Variants in ITGA9 observed in about 807,000 individuals in gnomAD.
ITGA9 encodes the protein integrin alpha-9.
A neutral mutation model predicts 127.8 loss-of-function variants in ITGA9; 56 were observed. The ratio of observed to expected loss-of-function variants is 0.44; its 90% CI spans 0.35 to 0.55. The LOEUF (loss-of-function observed/expected upper bound fraction) is 0.55, where lower values mean the gene tolerates loss of function less well. ITGA9 is among the 20% of genes least tolerant of loss of function. The probability of loss-of-function intolerance (pLI) is 0.00; values close to 1 mark genes in which losing one functional copy is unlikely to be tolerated. For synonymous variants in ITGA9, 508 were observed against 514.5 expected (o/e 0.99, Z 0.17); for missense variants, 1,196 against 1,347.1 (o/e 0.89, Z 1.76).
chr3:37,703,470 A>T (rs1000108444), intron 18 of ITGA9, among the ~76,000 whole-genome samples: 2 of 152,242 alleles, frequency 1.3e-5, no homozygotes, highest in Non-Finnish European at 2.9e-5. Flanking sequence ...CCTATAAAAA[A>T]GGTCAATTAT....
chr3:37,478,297 G>A (rs922787074), intron 3 of ITGA9, among the ~76,000 whole-genome samples: 3 of 152,194 alleles, frequency 2.0e-5, no homozygotes, highest in South Asian at 4.1e-4. Context: ...TGGCAGGTGC[G>A]AATGTAGGAG....
chr3:37,510,558 G>A (rs1176717107), intron 8 of ITGA9, among the ~76,000 whole-genome samples: 1 of 152,118 alleles, frequency 6.6e-6, no homozygotes, highest in Admixed American at 6.5e-5. Flanking sequence ...CTGAGAGTGG[G>A]TGGTGCAAGG....
At chr3:37,497,448 C>G (rs1301672060) in intron 5 of ITGA9, among the ~76,000 whole-genome samples, 1 of 151,908 alleles carries the variant, frequency 6.6e-6, no homozygotes, top group Non-Finnish European at 1.5e-5. Context: ...CAACACATGT[C>G]TGGGCTGAAC....
At chr3:37,713,298 T>C (rs570352653) in intron 18 of ITGA9, among the ~76,000 whole-genome samples, 4 of 152,340 alleles carry the variant, frequency 2.6e-5, no homozygotes, top group Admixed American at 6.5e-5. Flanking sequence ...CACCTTTTAG[T>C]GCTGCCTAAG....
Position 37,506,105 on chromosome 3 carries a change from G to A in ITGA9, c.828+20G>A. On this transcript the variant is annotated intron_variant, in intron 7 of 27. Transcript: ENST00000264741. Reference sequence around the variant, plus strand: ...GGCAAGGTGAGGAGAAACATCTGTGGAATAGCTGGGGTCAGACAGAAGAGG... The same window carrying A: ...GGCAAGGTGAGGAGAAACATCTGTGAAATAGCTGGGGTCAGACAGAAGAGG... 6.4e-7 allele frequency: 1 copy of A among 1,550,728 alleles called. No homozygotes were observed. The highest frequency in any genetic ancestry group is 8.9e-7 in the Non-Finnish European group (1 of 1,129,486).
chr3:37,561,077 C>A (rs1699482723), intron 15 of ITGA9, among the ~76,000 whole-genome samples: 1 of 152,154 alleles, frequency 6.6e-6, no homozygotes, highest in South Asian at 2.1e-4. Flanking sequence ...TTTAATCAAC[C>A]CCTTTAAAGG....
chr3:37,468,264 G>A (rs1432756593), intron 1 of ITGA9, among the ~76,000 whole-genome samples: 1 of 152,044 alleles, frequency 6.6e-6, no homozygotes, highest in Admixed American at 6.5e-5. Context: ...CCCCAGCAGG[G>A]CATCTTCCTC....
chr3:37,538,223 A>T (rs1699230288), intron 14 of ITGA9, among the ~76,000 whole-genome samples: 1 of 152,250 alleles, frequency 6.6e-6, no homozygotes, highest in South Asian at 2.1e-4. Flanking sequence ...AGAATTTCAC[A>T]GCTGAAATCT....
rs149699084 is a variant in ITGA9, at chr3:37,659,275, C to A, written c.1916+5485C>A. ...TGGATAATATCCTGAAGAGTGTTTT[C>A]CAACTTGGTTCCATTCTCCTCATCA... On this transcript the variant is annotated intron_variant, in intron 17 of 27. Transcript: ENST00000264741. Among the ~76,000 whole-genome samples, 92 of 152,252 alleles carry A rather than the reference C, an allele frequency of 6.0e-4. No individual in the cohort carries two copies. In the East Asian group the frequency reaches 0.012, roughly 20 times the overall value.
chr3:37,719,889 G>T (rs532026289), intron 18 of ITGA9, among the ~76,000 whole-genome samples: 1 of 152,304 alleles, frequency 6.6e-6, no homozygotes, highest in South Asian at 2.1e-4. Context: ...TTCCAGAAAA[G>T]TGTATACTCA....
chr3:37,526,629 T>C (rs1699096407), intron 13 of ITGA9, among the ~76,000 whole-genome samples: 1 of 152,206 alleles, frequency 6.6e-6, no homozygotes, highest in South Asian at 2.1e-4. Context: ...GCAGTCTGCA[T>C]CTCTCCTGCA....
In ITGA9 at chr3:37,737,078, G is replaced by T; in HGVS notation, c.2234+95G>T. Reference sequence around the variant, plus strand: ...GTTAAGCTTTGATGAATCCCAGGATGCTGAGGAGGAAGAAATGGTTACTCA... The same window carrying T: ...GTTAAGCTTTGATGAATCCCAGGATTCTGAGGAGGAAGAAATGGTTACTCA... On this transcript the variant is annotated intron_variant, in intron 20 of 27. Coordinates refer to ENST00000264741, the MANE Select transcript of ITGA9 (RefSeq NM_002207.3). The T allele has an allele frequency of 5.9e-6, 5 of 850,088 alleles. No homozygotes were observed. In the South Asian group the frequency reaches 6.9e-5, roughly 12 times the overall value. 52.7% of individuals were successfully genotyped at this position (850,088 alleles called of 1,614,324 possible). A position where few individuals can be genotyped will look rare whatever the true frequency, so the allele number is the denominator to read the frequency against.
At position 37,819,830 on chromosome 3, in the gene ITGA9, G is replaced by A. The variant is rs1425299115; in HGVS notation, c.*841G>A. ...CCATGTGGTCATCTGGTAAACCTCA[G>A]AATGGCGTCTCATCCTGGACATCCT... On this transcript the variant is annotated 3_prime_UTR_variant, in exon 28 of 28. Coordinates refer to ENST00000264741, the MANE Select transcript of ITGA9 (RefSeq NM_002207.3). 2 of 152,224 alleles carry A rather than the reference G, an allele frequency of 1.3e-5. No homozygotes were observed. The highest frequency in any genetic ancestry group is 4.8e-5 in the African/African-American group (2 of 41,428). 9.4% of individuals were successfully genotyped at this position (152,224 alleles called of 1,614,324 possible). A position where few individuals can be genotyped will look rare whatever the true frequency, so the allele number is the denominator to read the frequency against.
intron 25 of ITGA9, among the ~76,000 whole-genome samples, chr3:37,780,440 G>T (rs1354052355): frequency 6.6e-6 from 1 of 152,084 alleles, no homozygotes; most frequent in Non-Finnish European, 1.5e-5. Flanking sequence ...ATTTCACTTA[G>T]GGAAATGGAC....
At chr3:37,489,255 G>T (rs1182711403) in intron 4 of ITGA9, among the ~76,000 whole-genome samples, 4 of 152,226 alleles carry the variant, frequency 2.6e-5, no homozygotes, top group African/African-American at 9.6e-5. Context: ...TTCTTTGGAT[G>T]ATAAGAATGT....
At chr3:37,605,413 T>C (rs1336273594) in intron 15 of ITGA9, among the ~76,000 whole-genome samples, 2 of 152,052 alleles carry the variant, frequency 1.3e-5, no homozygotes, top group Non-Finnish European at 2.9e-5. Flanking sequence ...GTTTGGAGAA[T>C]GGACAGGAAA....
chr3:37,706,265 T>C (rs1701004619), intron 18 of ITGA9, among the ~76,000 whole-genome samples: 1 of 152,194 alleles, frequency 6.6e-6, no homozygotes, highest in African/African-American at 2.4e-5. Context: ...ATCTTCTCCC[T>C]CTGGAATTCT....
intron 16 of ITGA9, among the ~76,000 whole-genome samples, chr3:37,642,115 A>G (rs1489324924): frequency 6.6e-6 from 1 of 151,862 alleles, no homozygotes; most frequent in Non-Finnish European, 1.5e-5. Context: ...TTAAAAAAAA[A>G]AATTTTTTTT....
intron 1 of ITGA9, among the ~76,000 whole-genome samples, chr3:37,453,115 GCC>G (rs33973256): frequency 0.77 from 108,865 of 142,196 alleles, 41,509 homozygotes; most frequent in Middle Eastern, 0.87. Context: ...GAGCCCCGGC[GCC>G]CCCCCCCCCC....
Sources: gnomAD v4.1 joint callset for allele counts (sites outside exome capture counted in the v4.1 genomes callset) on GRCh38, gnomAD v4.1.1 for gene constraint, MANE v1.5 for transcripts, NCBI Gene and HGNC (gene_info 2026-07-23, HGNC 2026-07-21) for gene names.